The following ATAD2B variants were observed in gnomAD, a reference collection of about 807,000 sequenced individuals.
ATAD2B encodes ATPase family AAA domain-containing protein 2B.
ATAD2B carries 40 observed loss-of-function variants against 167.6 expected under a neutral mutation model. That is an observed-to-expected ratio of 0.24 (90% confidence interval 0.19 to 0.31). The LOEUF is 0.31. ATAD2B is among the 10% of genes least tolerant of loss of function. The pLI is 1.00. For missense variants in ATAD2B, 1,242 were observed against 1,757.2 expected (o/e 0.71, Z 5.24); for synonymous variants, 579 against 596.5 (o/e 0.97, Z 0.43).
In ATAD2B at chr2:23,754,347, C is replaced by A. The variant is rs530999397; in HGVS notation, c.4207-40G>T. ...AAAAGAATAAAATGTAATTTGATTT[C>A]ACTGGTCAAACTGAAATTGTATATT... On this transcript the variant is annotated intron_variant, in intron 26 of 27. Coordinates refer to ENST00000238789, the MANE Select transcript of ATAD2B (RefSeq NM_017552.4). 9 of 1,516,762 alleles carry A rather than the reference C, an allele frequency of 5.9e-6. No individual in the cohort carries two copies. In the African/African-American group the frequency reaches 7.0e-5, roughly 12 times the overall value. The allele number at this position is 1,516,762 out of a possible 1,614,324, so 94.0% of individuals were successfully genotyped here.
intron 1 of ATAD2B, among the ~76,000 whole-genome samples, chr2:23,912,746 T>G (rs1341678056): frequency 6.6e-6 from 1 of 152,128 alleles, no homozygotes; most frequent in Non-Finnish European, 1.5e-5. Flanking sequence ...ATCCCAGCAC[T>G]TTGGGAGGCC....
intron 23 of ATAD2B, among the ~76,000 whole-genome samples, chr2:23,764,030 C>T (rs1048007358): frequency 2.0e-5 from 3 of 152,106 alleles, no homozygotes; most frequent in Non-Finnish European, 2.9e-5. Flanking sequence ...GGGTTGTTTC[C>T]AGTTTGTGGT....
chr2:23,829,753 T>C (rs1289322765), intron 14 of ATAD2B, among the ~76,000 whole-genome samples: 3 of 152,144 alleles, frequency 2.0e-5, no homozygotes, highest in Non-Finnish European at 4.4e-5. Flanking sequence ...TGAGATCCTG[T>C]CTCAAAGGGA....
intron 19 of ATAD2B, among the ~76,000 whole-genome samples, chr2:23,795,855 G>A (rs1682527942): frequency 6.6e-6 from 1 of 151,520 alleles, no homozygotes; most frequent in Admixed American, 6.6e-5. Flanking sequence ...CTCCAGCCTG[G>A]GTGGCTGAGT....
chr2:23,896,688 G>A (rs1318912191), intron 1 of ATAD2B, among the ~76,000 whole-genome samples: 1 of 152,050 alleles, frequency 6.6e-6, no homozygotes, highest in Admixed American at 6.6e-5. Flanking sequence ...TCAAACCACA[G>A]ACATATTCAA....
At chr2:23,701,055 C>T in the ATAD2B span, among the ~76,000 whole-genome samples, 2 of 152,182 alleles carry the variant, frequency 1.3e-5, no homozygotes, top group Non-Finnish European at 2.9e-5. Flanking sequence ...CTGCACATCT[C>T]CAATCTGTTG....
the ATAD2B span, chr2:23,696,608 C>T: frequency 6.0e-5 from 60 of 1,004,870 alleles, 1 homozygote; most frequent in South Asian, 7.4e-4. This position sits in a 1 kb window ranked among gnomAD's most constrained non-coding sequence, Gnocchi z 5.5. Context: ...CACTCAGTGG[C>T]GATGGAGCAG....
chr2:23,824,268 G>A (rs1055842112), intron 15 of ATAD2B, among the ~76,000 whole-genome samples: 2 of 152,046 alleles, frequency 1.3e-5, no homozygotes, highest in Non-Finnish European at 2.9e-5. Context: ...GGCCTACAAC[G>A]TACAACTTTC....
chr2:23,688,466 T>C, the ATAD2B span, among the ~76,000 whole-genome samples: 1 of 152,220 alleles, frequency 6.6e-6, no homozygotes, highest in Non-Finnish European at 1.5e-5. Flanking sequence ...TCCTGATGTC[T>C]GGAAGGAAGG....
chr2:23,803,893 T>C (rs1038800581), intron 18 of ATAD2B, among the ~76,000 whole-genome samples: 5 of 152,154 alleles, frequency 3.3e-5, no homozygotes, highest in Non-Finnish European at 5.9e-5. Context: ...CAAACTTAAT[T>C]TATATTAAGC....
At chr2:23,883,608 T>A in intron 6 of ATAD2B, 1 of 1,297,986 alleles carries the variant, frequency 7.7e-7, no homozygotes, top group Non-Finnish European at 1.0e-6. Flanking sequence ...ACTGATTTTC[T>A]CCAAAGGAAG....
chr2:23,822,097 A>G (rs1687534423), intron 16 of ATAD2B, among the ~76,000 whole-genome samples: 1 of 152,240 alleles, frequency 6.6e-6, no homozygotes, highest in Non-Finnish European at 1.5e-5. Flanking sequence ...TGAGCACTGC[A>G]CACTGCAGAG....
the ATAD2B span, among the ~76,000 whole-genome samples, chr2:23,723,112 C>T: frequency 2.0e-5 from 3 of 152,068 alleles, no homozygotes; most frequent in South Asian, 2.1e-4. Flanking sequence ...GGCAACATGG[C>T]GAAACCCCAT....
At chr2:23,682,408 G>A in the ATAD2B span, among the ~76,000 whole-genome samples, 3 of 152,168 alleles carry the variant, frequency 2.0e-5, no homozygotes, top group Non-Finnish European at 4.4e-5. The surrounding 1 kb of genome is among the most constrained non-coding windows in gnomAD (Gnocchi z 4.1). Flanking sequence ...CTGGCTTCGA[G>A]GCTCAACTCT....
intron 1 of ATAD2B, among the ~76,000 whole-genome samples, chr2:23,926,335 G>A (rs1464945742): frequency 6.6e-6 from 1 of 152,206 alleles, no homozygotes; most frequent in Non-Finnish European, 1.5e-5. Flanking sequence ...TGGACTCAAG[G>A]GCTGTTCTTC....
At chr2:23,706,361 T>A in the ATAD2B span, 3 of 712,264 alleles carry the variant, frequency 4.2e-6, no homozygotes, top group Admixed American at 1.2e-4. Context: ...GGCAGCAAGA[T>A]CCCAGATGCC....
chr2:23,866,455 C>G (rs187349625), intron 10 of ATAD2B, among the ~76,000 whole-genome samples: 1 of 151,696 alleles, frequency 6.6e-6, no homozygotes, highest in African/African-American at 2.4e-5. Flanking sequence ...GCAGAGACAT[C>G]TAAAGTTTAC....
chr2:23,685,307 A>AG, the ATAD2B span: 6 of 152,034 alleles, frequency 3.9e-5, no homozygotes, highest in Admixed American at 6.5e-5. Context: ...CAAAGAAGTC[A>AG]GGGGCCACCT....
chr2:23,864,973 A>C (rs1427160963), intron 10 of ATAD2B, 49 bp from the exon 11 acceptor site: 1 of 1,139,564 alleles, frequency 8.8e-7, no homozygotes. Context: ...TATATGTTTT[A>C]TAGAATTTTT....
Sources: allele counts gnomAD v4.1 joint callset (sites outside exome capture counted in the v4.1 genomes callset), GRCh38; gene constraint gnomAD v4.1.1; non-coding constraint Gnocchi (gnomAD v3.1); transcripts MANE v1.5; gene names NCBI Gene and HGNC (gene_info 2026-07-23, HGNC 2026-07-21).